The following TMEM17 variants were observed in gnomAD, a reference collection of about 807,000 sequenced individuals.
The protein encoded by TMEM17 is transmembrane protein 17.
Under a neutral mutation model 19.1 loss-of-function variants are expected in TMEM17, and 15 were observed. The ratio of observed to expected loss-of-function variants is 0.78; its 90% CI spans 0.52 to 1.21. TMEM17 has a LOEUF of 1.21. Ranked by LOEUF, TMEM17 falls within the 50% of genes most tolerant of loss-of-function variation. The probability of loss-of-function intolerance (pLI) is 0.00; values close to 1 mark genes in which losing one functional copy is unlikely to be tolerated. For missense variants in TMEM17, 245 were observed against 242.3 expected (o/e 1.01, Z -0.07); for synonymous variants, 103 against 86.9 (o/e 1.19, Z -1.03).
chr2:62,475,706 G>A, the TMEM17 span, among the ~76,000 whole-genome samples: 4,144 of 152,256 alleles, frequency 0.027, 123 homozygotes, highest in South Asian at 0.14. Context: ...GTTCTCTTGC[G>A]GCCACTTGAA....
chr2:62,464,582 A>G, the TMEM17 span, among the ~76,000 whole-genome samples: 6 of 152,218 alleles, frequency 3.9e-5, no homozygotes, highest in South Asian at 2.1e-4. Context: ...TAACTGCCCA[A>G]TGGGTTCACC....
At chr2:62,498,257 G>A (rs998623691), downstream of TMEM17, among the ~76,000 whole-genome samples, 3 of 151,932 alleles carry the variant, frequency 2.0e-5, no homozygotes, top group Non-Finnish European at 4.4e-5. Context: ...AATGGTGGCA[G>A]GTGCCTGTAA....
At chr2:62,501,555 A>C (rs2103729121) in intron 3 of TMEM17, 68 bp from the exon 4 acceptor site, 1 of 1,455,864 alleles carries the variant, frequency 6.9e-7, no homozygotes, top group African/African-American at 1.4e-5. Flanking sequence ...CAGATAAACA[A>C]GTACTTATCA....
At chr2:62,463,964 G>T in the TMEM17 span, 12 of 152,186 alleles carry the variant, frequency 7.9e-5, no homozygotes. Context: ...ACTGGAGACG[G>T]CCAGACTTCA....
At chr2:62,467,926 G>A in the TMEM17 span, among the ~76,000 whole-genome samples, 1 of 146,108 alleles carries the variant, frequency 6.8e-6, no homozygotes, top group African/African-American at 2.5e-5. Flanking sequence ...GATGCGAATT[G>A]TGAAACCAAG....
intron 1 of TMEM17, among the ~76,000 whole-genome samples, chr2:62,504,204 T>G (rs550386983): frequency 6.6e-6 from 1 of 152,352 alleles, no homozygotes; most frequent in East Asian, 1.9e-4. Flanking sequence ...GCCTGATTAT[T>G]ATGATCTACT....
At chr2:62,457,625 G>T in the TMEM17 span, among the ~76,000 whole-genome samples, 1 of 152,082 alleles carries the variant, frequency 6.6e-6, no homozygotes, top group African/African-American at 2.4e-5. The surrounding 1 kb of genome is among the most constrained non-coding windows in gnomAD (Gnocchi z 4.2). Context: ...TCGGAAGGTG[G>T]GGGTGGGGTG....
the TMEM17 span, among the ~76,000 whole-genome samples, chr2:62,454,954 C>A: frequency 6.6e-6 from 1 of 152,190 alleles, no homozygotes; most frequent in Non-Finnish European, 1.5e-5. Flanking sequence ...ATTTGCCCGC[C>A]TTGGCCTTCC....
the TMEM17 span, among the ~76,000 whole-genome samples, chr2:62,464,269 A>G: frequency 6.6e-6 from 1 of 152,248 alleles, no homozygotes; most frequent in Non-Finnish European, 1.5e-5. Context: ...GAGCACTGTA[A>G]CACGCCCTGT....
rs1480860428 is a variant in TMEM17 at position 62,500,545 on chromosome 2, A to G, written c.*664T>C. ...ACTGCAAGCTCTGCCTCCTGGGTTC[A>G]CACCATTCTCCTGCCTCAGCCTCCC... On this transcript the variant is annotated 3_prime_UTR_variant, in exon 4 of 4. Transcript: ENST00000335390. 2.0e-5 allele frequency: 3 copies of G among 151,950 alleles called. No homozygotes were observed. Among genetic ancestry groups the G allele is most frequent in the African/African-American group, 7.3e-5 (3 of 41,298 alleles). 9.4% of individuals were successfully genotyped at this position (151,950 alleles called of 1,614,324 possible). A position where few individuals can be genotyped will look rare whatever the true frequency, so the allele number is the denominator to read the frequency against.
chr2:62,494,294 C>T, the TMEM17 span, among the ~76,000 whole-genome samples: 1 of 152,156 alleles, frequency 6.6e-6, no homozygotes, highest in African/African-American at 2.4e-5. Context: ...AGTTAAATCT[C>T]CAGCCTTCTT....
the TMEM17 span, among the ~76,000 whole-genome samples, chr2:62,483,599 A>ATTTT: frequency 7.4e-6 from 1 of 134,254 alleles, no homozygotes; most frequent in African/African-American, 2.8e-5. Context: ...CCCAGGATAC[A>ATTTT]TTTTTTTTTT....
downstream of TMEM17, among the ~76,000 whole-genome samples, chr2:62,495,523 G>A (rs1427034265): frequency 1.3e-5 from 2 of 152,062 alleles, no homozygotes; most frequent in Non-Finnish European, 2.9e-5. Context: ...CTTAAAACTA[G>A]AATAAAGATA....
chr2:62,496,648 A>G (rs1272517265), downstream of TMEM17, among the ~76,000 whole-genome samples: 1 of 152,268 alleles, frequency 6.6e-6, no homozygotes, highest in Non-Finnish European at 1.5e-5. Context: ...TGTTATTTTA[A>G]GATGGTGGAA....
chr2:62,470,635 G>C, the TMEM17 span, among the ~76,000 whole-genome samples: 1 of 152,328 alleles, frequency 6.6e-6, no homozygotes, highest in South Asian at 2.1e-4. Context: ...CCACCACTGG[G>C]GGTGGGGTCC....
chr2:62,460,459 T>C, the TMEM17 span, among the ~76,000 whole-genome samples: 1 of 152,224 alleles, frequency 6.6e-6, no homozygotes, highest in Non-Finnish European at 1.5e-5. Context: ...CTCAGGGCCA[T>C]TAGTCACTCT....
chr2:62,482,553 G>C, the TMEM17 span, among the ~76,000 whole-genome samples: 1 of 152,138 alleles, frequency 6.6e-6, no homozygotes, highest in Non-Finnish European at 1.5e-5. Context: ...ATGTATCCAG[G>C]CTTGGTCAGT....
rs746198139 is a variant in TMEM17 at position 62,502,456 on chromosome 2, A to G, written c.299T>C (p.Val100Ala). 6.2e-7 allele frequency: 1 copy of G among 1,610,060 alleles called. No homozygotes were observed. Among genetic ancestry groups the G allele is most frequent in the Non-Finnish European group, 8.5e-7 (1 of 1,176,434 alleles). The change falls in exon 3 of 4, where the codon GTG becomes GCG. Residue 100 changes from valine (V) to alanine (A), a missense_variant. By Grantham distance (64) the Val-to-Ala change is moderately conservative (BLOSUM62 0). Coordinates refer to ENST00000335390, the MANE Select transcript of TMEM17 (RefSeq NM_198276.3). The part of the protein sequence containing the change: ...IEAIRLYLGY[V>A]GNLQEKVPEL... ...GCTTACCTTCTCCTGTAGGTTACCC[A>G]CGTAGCCCAGATACAACCGGATGGC...
At chr2:62,454,660 G>C in the TMEM17 span, among the ~76,000 whole-genome samples, 1 of 152,202 alleles carries the variant, frequency 6.6e-6, no homozygotes, top group South Asian at 2.1e-4. Context: ...TCCTAGATTT[G>C]CCTTTAATAA....
Sources: allele counts gnomAD v4.1 joint callset (sites outside exome capture counted in the v4.1 genomes callset), GRCh38; gene constraint gnomAD v4.1.1; non-coding constraint Gnocchi (gnomAD v3.1); transcripts MANE v1.5; gene names NCBI Gene and HGNC (gene_info 2026-07-23, HGNC 2026-07-21).